B3GALNT2: variants seen among roughly 807,000 people sequenced by gnomAD.
B3GALNT2 encodes UDP-GalNAc:beta-1,3-N-acetylgalactosaminyltransferase 2.
A neutral mutation model predicts 61.1 loss-of-function variants in B3GALNT2; 53 were observed. The ratio of observed to expected loss-of-function variants is 0.87; its 90% CI spans 0.70 to 1.09. The LOEUF is 1.09. B3GALNT2 is among the 50% of genes least tolerant of loss of function. B3GALNT2 has a pLI of 0.00. For synonymous variants in B3GALNT2, 223 were observed against 237.4 expected, an observed-to-expected ratio of 0.94 and a Z score of 0.56; for missense variants, 544 against 623.0, an observed-to-expected ratio of 0.87 and a Z score of 1.35.
At chr1:235,441,799 T>C in the B3GALNT2 span, 1 of 1,613,396 alleles carries the variant, frequency 6.2e-7, no homozygotes, top group Non-Finnish European at 8.5e-7. Flanking sequence ...TCATCTCTTT[T>C]GCTTTCTTAA....
rs199861377 is a variant in B3GALNT2 at position 235,450,236 on chromosome 1, G to A, written c.1473C>T (p.Cys491=). Residue 491 remains cysteine, a synonymous_variant, in exon 12 of 12, where the codon TGC becomes TGT. Coordinates refer to ENST00000366600, the MANE Select transcript of B3GALNT2 (RefSeq NM_152490.5). ...LTELWKLKER[C]GDPCRCQAR ...TTGCTTGACATCGACAAGGATCACCGCACCGTTCCTTCAGTTTCCACAGTT... is the reference window on the plus strand; with the variant it reads ...TTGCTTGACATCGACAAGGATCACCACACCGTTCCTTCAGTTTCCACAGTT... The A allele has an allele frequency of 9.9e-6, 16 of 1,614,068 alleles. No homozygotes were observed. The highest frequency in any genetic ancestry group is 1.7e-5 in the Admixed American group (1 of 59,998).
At chr1:235,502,635 G>A (rs1685633683) in intron 1 of B3GALNT2, among the ~76,000 whole-genome samples, 2 of 152,170 alleles carry the variant, frequency 1.3e-5, no homozygotes, top group Non-Finnish European at 2.9e-5. Flanking sequence ...AAGGGAGTAG[G>A]AAAAACTTGT....
chr1:235,492,367 T>G (rs2102858825), intron 2 of B3GALNT2, among the ~76,000 whole-genome samples: 1 of 152,372 alleles, frequency 6.6e-6, no homozygotes, highest in Non-Finnish European at 1.5e-5. Context: ...GGAAGGTGTT[T>G]CTGCCTAATA....
chr1:235,452,443 A>G (rs1289158381), intron 11 of B3GALNT2: 1 of 152,202 alleles, frequency 6.6e-6, no homozygotes, highest in Non-Finnish European at 1.5e-5. Context: ...CATAACTATT[A>G]TGGTAGAAGA....
chr1:235,455,739 T>C, intron 8 of B3GALNT2, 55 bp from the exon 9 acceptor site: 1 of 1,529,412 alleles, frequency 6.5e-7, no homozygotes, highest in Non-Finnish European at 9.0e-7. Flanking sequence ...CAAACACCAA[T>C]GCAGTGGCGT....
At chr1:235,490,032 C>A (rs1332387477) in intron 2 of B3GALNT2, among the ~76,000 whole-genome samples, 1 of 152,088 alleles carries the variant, frequency 6.6e-6, no homozygotes, top group African/African-American at 2.4e-5. Flanking sequence ...TGCTCTCTTC[C>A]CTTCCTTCTG....
rs777105173 is a variant in B3GALNT2 at position 235,494,786 on chromosome 1, T to A, written c.155A>T (p.Asp52Val). ...AGCTGACAACACGCCAACTACCACATCATAGTGAGTAGATTTCCACTGAGG... is the reference window on the plus strand; with the variant it reads ...AGCTGACAACACGCCAACTACCACAACATAGTGAGTAGATTTCCACTGAGG... ...LFPQWKSTHY[D>V]VVVGVLSARN... The change falls in exon 2 of 12, where the codon GAT becomes GTT. Residue 52 changes from aspartate (D) to valine (V), a missense_variant. Coordinates refer to ENST00000366600, the MANE Select transcript of B3GALNT2 (RefSeq NM_152490.5). 2 of 1,611,332 alleles carry A rather than the reference T, an allele frequency of 1.2e-6. No homozygotes were observed. Among genetic ancestry groups the A allele is most frequent in the Admixed American group, 1.7e-5 (1 of 59,968 alleles).
At position 235,504,283 on chromosome 1, in the gene B3GALNT2, C is replaced by T. The variant is rs756694638; in HGVS notation, c.-31G>A. On this transcript the variant is annotated 5_prime_UTR_variant, in exon 1 of 12. Transcript: ENST00000366600. ...GCCCCCGCCGCGAGCCGGGCTCTCC[C>T]GCGTCCCGGCGGAGAGGGAGGGGAC... 6.7e-7 allele frequency: 1 copy of T among 1,482,434 alleles called. No homozygotes were observed. The highest frequency in any genetic ancestry group is 8.9e-7 in the Non-Finnish European group (1 of 1,121,770). The allele number at this position is 1,482,434 out of a possible 1,614,324, so 91.8% of individuals were successfully genotyped here. A position where few individuals can be genotyped will look rare whatever the true frequency, so the allele number is the denominator to read the frequency against.
At chr1:235,443,185 C>CACAT (rs375134195), downstream of B3GALNT2, among the ~76,000 whole-genome samples, 8 of 139,748 alleles carry the variant, frequency 5.7e-5, no homozygotes, top group African/African-American at 1.5e-4. Context: ...CACACACACA[C>CACAT]ATATATATAT....
At chr1:235,441,736 CTTTGTTTG>C in the B3GALNT2 span, 225 of 1,363,712 alleles carry the variant, frequency 1.6e-4, no homozygotes, top group Non-Finnish European at 2.1e-4. Context: ...CTTACCTATC[CTTTGTTTG>C]TTTGTTTGTT....
chr1:235,478,396 T>C (rs1314272841), intron 5 of B3GALNT2, among the ~76,000 whole-genome samples: 1 of 152,176 alleles, frequency 6.6e-6, no homozygotes, highest in Admixed American at 6.5e-5. Context: ...TGGTACATAC[T>C]GCACTTAAAA....
At chr1:235,464,329 C>G (rs1285218836) in intron 7 of B3GALNT2, 1 of 64,890 alleles carries the variant, frequency 1.5e-5, no homozygotes, top group Non-Finnish European at 2.6e-5. Flanking sequence ...TACAATTCAA[C>G]AATAAAATAA....
intron 7 of B3GALNT2, among the ~76,000 whole-genome samples, chr1:235,459,314 A>C (rs1683309102): frequency 6.6e-6 from 1 of 152,230 alleles, no homozygotes; most frequent in South Asian, 2.1e-4. Flanking sequence ...ATTATAAAAC[A>C]CTCAAAACTA....
chr1:235,452,994 T>C, intron 11 of B3GALNT2, 96 bp downstream of exon 11: 1 of 1,080,474 alleles, frequency 9.3e-7, no homozygotes, highest in Non-Finnish European at 1.4e-6. Flanking sequence ...TAAATACTTC[T>C]GGTCCCAGGC....
chr1:235,441,011 G>A, the B3GALNT2 span: 2 of 152,252 alleles, frequency 1.3e-5, no homozygotes, highest in Non-Finnish European at 2.9e-5. Flanking sequence ...TGAACAGTAT[G>A]TTTAAGGAAG....
At chr1:235,488,120 A>C (rs950538430) in intron 3 of B3GALNT2, among the ~76,000 whole-genome samples, 1 of 152,148 alleles carries the variant, frequency 6.6e-6, no homozygotes, top group African/African-American at 2.4e-5. Context: ...TGTGTCTTAC[A>C]TTTTTTACTA....
At chr1:235,456,280 G>A (rs565147874) in intron 8 of B3GALNT2, among the ~76,000 whole-genome samples, 4 of 152,242 alleles carry the variant, frequency 2.6e-5, no homozygotes, top group East Asian at 1.9e-4. Flanking sequence ...TTATCTAGAC[G>A]TAAAATATAT....
At chr1:235,498,189 C>G (rs985119617) in intron 1 of B3GALNT2, among the ~76,000 whole-genome samples, 13 of 152,076 alleles carry the variant, frequency 8.5e-5, no homozygotes, top group African/African-American at 2.9e-4. Flanking sequence ...AATAAAATAC[C>G]TATGTAAGAA....
Position 235,487,117 on chromosome 1 carries a change from C to T in B3GALNT2, c.361+2051G>A, listed in dbSNP as rs543748900. 1.1e-4 allele frequency among the ~76,000 whole-genome samples: 17 copies of T among 150,632 alleles called. No homozygotes were observed. The South Asian group carries it at 1.3e-3, about 11-fold the overall frequency. On this transcript the variant is annotated intron_variant, in intron 3 of 11. Coordinates refer to ENST00000366600, the MANE Select transcript of B3GALNT2 (RefSeq NM_152490.5). ...TGGAGGTTGCAGTGAGCCGAGATCG[C>T]GCCATTGCACTCCAGTCTGGGTGAC...
Sources: gnomAD v4.1 joint callset for allele counts (sites outside exome capture counted in the v4.1 genomes callset) on GRCh38, gnomAD v4.1.1 for gene constraint, MANE v1.5 for transcripts, NCBI Gene and HGNC (gene_info 2026-07-23, HGNC 2026-07-21) for gene names.